The following PLEKHH2 variants were observed in gnomAD, a reference collection of about 807,000 sequenced individuals.
PLEKHH2 encodes pleckstrin homology domain-containing family H member 2.
In PLEKHH2, 129 loss-of-function variants were observed where a neutral mutation model predicts 187.9. The observed-to-expected ratio is 0.69, with a 90% CI of 0.59 to 0.79. The LOEUF is 0.79. Ranked by LOEUF, PLEKHH2 falls within the 30% of genes least tolerant of loss-of-function variation. PLEKHH2 has a pLI of 0.00. For missense variants in PLEKHH2, 2,076 were observed against 1,751.2 expected (o/e 1.19, Z -3.31); for synonymous variants, 686 against 605.6 (o/e 1.13, Z -1.95).
chr2:43,687,310 A>G (rs1007572908), intron 3 of PLEKHH2, among the ~76,000 whole-genome samples: 2 of 152,168 alleles, frequency 1.3e-5, no homozygotes, highest in African/African-American at 2.4e-5. Context: ...CCATGTTGCT[A>G]CAAAGGACAT....
chr2:43,725,116 T>C (rs1051943712), intron 16 of PLEKHH2, among the ~76,000 whole-genome samples: 3 of 152,198 alleles, frequency 2.0e-5, no homozygotes, highest in African/African-American at 7.2e-5. Context: ...GGGGATATCT[T>C]ATCCTCCTGA....
intron 7 of PLEKHH2, 123 bp downstream of exon 7, chr2:43,697,479 A>T (rs1244333238): frequency 1.2e-6 from 1 of 817,684 alleles, no homozygotes; most frequent in Non-Finnish European, 1.8e-6. Context: ...GTTTTATGAG[A>T]ATGTTTCTAA....
chr2:43,751,435 G>C (rs1572661152), intron 24 of PLEKHH2, among the ~76,000 whole-genome samples: 1 of 152,334 alleles, frequency 6.6e-6, no homozygotes, highest in East Asian at 1.9e-4. Flanking sequence ...AAGGGCAACA[G>C]TAGGAAATAA....
Position 43,745,900 on chromosome 2 carries a change from C to G in PLEKHH2, c.3590C>G (p.Ser1197Cys), listed in dbSNP as rs749733246. The change falls in exon 24 of 30, where the codon TCC becomes TGC. Residue 1197 changes from serine to cysteine, a missense_variant. Coordinates refer to ENST00000282406, the MANE Select transcript of PLEKHH2 (RefSeq NM_172069.4). ...ATTATTTCCAAATGGGAACAGGCTT[C>G]CAAAGAACAGCAGCCTGGAAAATGT... ...CDIISKWEQASKEQQPGKCEG... is the reference protein window; with the variant it reads ...CDIISKWEQACKEQQPGKCEG... The G allele has an allele frequency of 1.2e-6, 2 of 1,612,696 alleles. No homozygotes were observed. Among genetic ancestry groups the G allele is most frequent in the African/African-American group, 2.7e-5 (2 of 74,884 alleles).
intron 15 of PLEKHH2, among the ~76,000 whole-genome samples, chr2:43,715,181 C>T (rs1008836492): frequency 2.0e-5 from 3 of 151,850 alleles, no homozygotes; most frequent in African/African-American, 7.3e-5. Context: ...GAGGCTGAGG[C>T]AGGAGAATCG....
chr2:43,756,765 T>C (rs2104621024), intron 25 of PLEKHH2, among the ~76,000 whole-genome samples: 1 of 152,232 alleles, frequency 6.6e-6, no homozygotes, highest in Middle Eastern at 3.4e-3. Context: ...CTGGCCAACA[T>C]GGTGAAACCC....
chr2:43,677,355 G>A (rs925444945), intron 2 of PLEKHH2, among the ~76,000 whole-genome samples: 5 of 152,198 alleles, frequency 3.3e-5, no homozygotes, highest in Admixed American at 1.3e-4. Flanking sequence ...GCCCTCTGCA[G>A]TGTTTGTGTC....
intron 2 of PLEKHH2, among the ~76,000 whole-genome samples, chr2:43,676,847 A>G (rs979815535): frequency 6.6e-6 from 1 of 152,158 alleles, no homozygotes; most frequent in African/African-American, 2.4e-5. Flanking sequence ...AAAACTACCC[A>G]GAGTTTATTT....
At chr2:43,687,790 T>C (rs920958783) in intron 3 of PLEKHH2, among the ~76,000 whole-genome samples, 3 of 152,190 alleles carry the variant, frequency 2.0e-5, no homozygotes, top group African/African-American at 4.8e-5. Context: ...TATCTTCTTT[T>C]GTTTTATTTA....
At chr2:43,730,249 A>T (rs1265518266) in intron 18 of PLEKHH2, among the ~76,000 whole-genome samples, 1 of 152,214 alleles carries the variant, frequency 6.6e-6, no homozygotes, top group Non-Finnish European at 1.5e-5. Context: ...TTAAAACATT[A>T]CAAAATTTCT....
chr2:43,720,560 T>C, intron 15 of PLEKHH2, 109 bp from the exon 16 acceptor site: 7 of 1,529,018 alleles, frequency 4.6e-6, no homozygotes, highest in South Asian at 1.2e-5. Flanking sequence ...ATATCACTTA[T>C]ATCTGGGCAA....
rs770980671 is a variant in PLEKHH2 at position 43,757,230 on chromosome 2, A to C, written c.3907A>C (p.Arg1303=). 6.3e-7 allele frequency: 1 copy of C among 1,594,594 alleles called. No individual in the cohort carries two copies. The highest frequency in any genetic ancestry group is 2.3e-5 in the East Asian group (1 of 43,448). ...KQVIEKFYPK[R]YRDGCSEEQL... The stretch of plus-strand genomic sequence containing the variant: ...AGTCATAGAGAAATTTTATCCTAAA[A>C]GGTATAGAGATGGCTGTTCTGAAGA... The change falls in exon 26 of 30, where the codon AGG becomes CGG. Residue 1303 remains arginine, a synonymous_variant. Coordinates refer to ENST00000282406, the MANE Select transcript of PLEKHH2 (RefSeq NM_172069.4).
intron 27 of PLEKHH2, 112 bp downstream of exon 27, chr2:43,759,141 A>G (rs1672331958): frequency 7.2e-7 from 1 of 1,397,346 alleles, no homozygotes. Flanking sequence ...GAAATATCCA[A>G]TAATGTAAAG....
chr2:43,717,292 C>G (rs763206442), intron 15 of PLEKHH2, among the ~76,000 whole-genome samples: 59 of 152,250 alleles, frequency 3.9e-4, no homozygotes, highest in African/African-American at 1.4e-3. Context: ...GCAGCACATG[C>G]CTGTAATCCC....
rs74989476 is a variant in PLEKHH2 at position 43,766,411 on chromosome 2, C to G, written c.*813C>G. 1,605 of 152,764 alleles carry G rather than the reference C, an allele frequency of 0.011. 15 individuals are homozygous for G. The highest frequency in any genetic ancestry group is 0.016 in the Non-Finnish European group (1,068 of 68,020). The allele number at this position is 152,764 out of a possible 1,614,324, so 9.5% of individuals were successfully genotyped here. ...CAAAGACAATCCTTAAAGCTTTGCT[C>G]CTCACACATTACCTTCTAATTATAG... On this transcript the variant is annotated 3_prime_UTR_variant, in exon 30 of 30. Coordinates refer to ENST00000282406, the MANE Select transcript of PLEKHH2 (RefSeq NM_172069.4).
rs144119743 is a variant in PLEKHH2, at chr2:43,701,473, G to A, written c.1650+865G>A. On this transcript the variant is annotated intron_variant, in intron 8 of 29. Coordinates refer to ENST00000282406, the MANE Select transcript of PLEKHH2 (RefSeq NM_172069.4). ...GGAAGGAAACATTGGAGGTGGGAAA[G>A]AAGGGTTCCCCCTAACTGTGATATT... is the stretch of plus-strand genomic sequence containing the variant. 2.2e-4 allele frequency among the ~76,000 whole-genome samples: 33 copies of A among 152,310 alleles called. No individual in the cohort carries two copies. The East Asian group carries it at 6.2e-3, about 28-fold the overall frequency.
chr2:43,681,167 T>A, intron 3 of PLEKHH2: 1 of 701,962 alleles, frequency 1.4e-6, no homozygotes, highest in Middle Eastern at 3.6e-4. Context: ...ACTCAGAACA[T>A]CCTTTTGGTC....
At chr2:43,646,392 C>G (rs1666186202) in intron 2 of PLEKHH2, among the ~76,000 whole-genome samples, 1 of 152,108 alleles carries the variant, frequency 6.6e-6, no homozygotes, top group East Asian at 1.9e-4. Context: ...ATTACTAAAC[C>G]TCATGGACAC....
intron 19 of PLEKHH2, among the ~76,000 whole-genome samples, chr2:43,736,087 A>G (rs1233922877): frequency 6.6e-6 from 1 of 152,222 alleles, no homozygotes; most frequent in African/African-American, 2.4e-5. Flanking sequence ...ACATTCTGTT[A>G]GGGAACTAAC....
Sources: gnomAD v4.1 joint callset for allele counts (sites outside exome capture counted in the v4.1 genomes callset) on GRCh38, gnomAD v4.1.1 for gene constraint, MANE v1.5 for transcripts, NCBI Gene and HGNC (gene_info 2026-07-23, HGNC 2026-07-21) for gene names.